Variants in RYR3 observed in about 807,000 individuals in gnomAD.
RYR3 encodes brain ryanodine receptor-calcium release channel.
In RYR3, 207 loss-of-function variants were observed where a neutral mutation model predicts 584.3. The ratio of observed to expected loss-of-function variants is 0.35; its 90% CI spans 0.32 to 0.40. RYR3 has a LOEUF of 0.40. Among genes scored for constraint, RYR3 ranks in the 10% least tolerant of loss-of-function variants. The probability of loss-of-function intolerance (pLI) is 1.00; values close to 1 mark genes in which losing one functional copy is unlikely to be tolerated. For synonymous variants in RYR3, 2,416 were observed against 2,248.5 expected (o/e 1.07, Z -2.11); for missense variants, 5,616 against 6,089.2 (o/e 0.92, Z 2.59).
intron 89 of RYR3, 119 bp downstream of exon 89, chr15:33,839,077 C>T (rs1403448143): frequency 5.5e-6 from 7 of 1,265,172 alleles, no homozygotes; most frequent in East Asian, 2.4e-5. Flanking sequence ...TAGACAGTGG[C>T]TGTGGTGTGA....
At chr15:33,792,403 C>A (rs2075216299) in intron 67 of RYR3, among the ~76,000 whole-genome samples, 2 of 152,162 alleles carry the variant, frequency 1.3e-5, no homozygotes, top group African/African-American at 4.8e-5. Context: ...CATTCTTTCT[C>A]TATCCCTTGC....
At chr15:33,488,023 T>C (rs1567349608) in intron 2 of RYR3, among the ~76,000 whole-genome samples, 1 of 152,212 alleles carries the variant, frequency 6.6e-6, no homozygotes, top group South Asian at 2.1e-4. Context: ...GTATTTGTCA[T>C]TTGTTGAACC....
At chr15:33,732,661 T>C (rs1288876306) in intron 48 of RYR3, among the ~76,000 whole-genome samples, 1 of 152,186 alleles carries the variant, frequency 6.6e-6, no homozygotes, top group Non-Finnish European at 1.5e-5. Context: ...TCAGCCAGTG[T>C]TTTTCCTTCT....
intron 2 of RYR3, among the ~76,000 whole-genome samples, chr15:33,483,909 T>C: frequency 6.6e-6 from 1 of 152,178 alleles, no homozygotes; most frequent in East Asian, 1.9e-4. Flanking sequence ...ATGGATCCTA[T>C]GAACAGGAGA....
At chr15:33,321,291 G>A (rs1968927304) in intron 1 of RYR3, among the ~76,000 whole-genome samples, 1 of 152,130 alleles carries the variant, frequency 6.6e-6, no homozygotes, top group South Asian at 2.1e-4. Flanking sequence ...TCATATCCAA[G>A]GATACAAAGC....
chr15:33,482,716 G>C (rs1456208777), intron 2 of RYR3, among the ~76,000 whole-genome samples: 1 of 152,208 alleles, frequency 6.6e-6, no homozygotes, highest in Non-Finnish European at 1.5e-5. Flanking sequence ...ACTGTGCCCA[G>C]TCAGGTTTCT....
At chr15:33,491,425 C>T (rs2050954215) in intron 2 of RYR3, among the ~76,000 whole-genome samples, 1 of 152,194 alleles carries the variant, frequency 6.6e-6, no homozygotes, top group South Asian at 2.1e-4. Context: ...AGTGGCTAAT[C>T]TGAAGCATTT....
chr15:33,341,494 A>G (rs941644032), intron 1 of RYR3, among the ~76,000 whole-genome samples: 10 of 152,164 alleles, frequency 6.6e-5, no homozygotes, highest in Non-Finnish European at 1.2e-4. Flanking sequence ...GGAAAGTAAC[A>G]TCTTGCATCC....
chr15:33,350,067 G>A (rs1035978573), intron 1 of RYR3, among the ~76,000 whole-genome samples: 2 of 151,962 alleles, frequency 1.3e-5, no homozygotes, highest in African/African-American at 2.4e-5. Flanking sequence ...GTGTGCATGT[G>A]TCTTTATAGC....
At chr15:33,655,412 G>A (rs1417591040) in intron 32 of RYR3, among the ~76,000 whole-genome samples, 1 of 152,102 alleles carries the variant, frequency 6.6e-6, no homozygotes, top group African/African-American at 2.4e-5. Context: ...GCTGATCTTT[G>A]GAAGTTCAAA....
At chr15:33,816,659 G>T (rs2076828183) in intron 74 of RYR3, among the ~76,000 whole-genome samples, 1 of 152,170 alleles carries the variant, frequency 6.6e-6, no homozygotes, top group Non-Finnish European at 1.5e-5. Flanking sequence ...TTTTCAGAAG[G>T]TGCTCTAATA....
intron 32 of RYR3, among the ~76,000 whole-genome samples, chr15:33,654,237 G>A (rs2062687844): frequency 1.3e-5 from 2 of 152,142 alleles, no homozygotes; most frequent in African/African-American, 4.8e-5. Flanking sequence ...TTACGGGCCA[G>A]GCATGGAGGC....
Position 33,768,686 on chromosome 15 carries a change from A to G in RYR3, c.8734A>G (p.Arg2912Gly). 6.2e-7 allele frequency: 1 copy of G among 1,613,982 alleles called. No homozygotes were observed. Among genetic ancestry groups the G allele is most frequent in the African/African-American group, 1.3e-5 (1 of 75,044 alleles). Residue 2912 changes from arginine (R) to glycine (G), a missense_variant, in exon 61 of 104, where the codon AGA (arginine) becomes GGA (glycine). By Grantham distance (125) the Arg-to-Gly change is moderately radical. Around this residue, in one of 9 missense-constraint regions of RYR3, gnomAD observed 1,280 missense variants for 1,426.2 expected, o/e 0.90. Coordinates refer to ENST00000634891, the MANE Select transcript of RYR3 (RefSeq NM_001036.6). ...GLFCKLAALV[R>G]HRISLFGSDS... ...GTTCTGCAAACTTGCCGCTCTCGTT[A>G]GACACAGAATTTCCCTCTTTGGTAA...
intron 92 of RYR3, among the ~76,000 whole-genome samples, chr15:33,844,495 AG>A (rs984753476): frequency 9.2e-5 from 14 of 152,144 alleles, no homozygotes; most frequent in African/African-American, 3.4e-4. Context: ...TGGGTGGGGG[AG>A]CGGGCACACA....
intron 14 of RYR3, 48 bp from the exon 15 acceptor site, chr15:33,584,347 A>G: frequency 9.7e-7 from 1 of 1,030,526 alleles, no homozygotes; most frequent in South Asian, 1.4e-5. Context: ...TCTCACGCCC[A>G]TCATTATATC....
chr15:33,399,908 A>G (rs2042541392), intron 1 of RYR3, among the ~76,000 whole-genome samples: 1 of 152,188 alleles, frequency 6.6e-6, no homozygotes, highest in Non-Finnish European at 1.5e-5. Flanking sequence ...TAGGTAGGAC[A>G]GACATAGAAG....
intron 99 of RYR3, among the ~76,000 whole-genome samples, 172 bp from the exon 100 acceptor site, chr15:33,859,403 C>T (rs1204692214): frequency 2.6e-5 from 4 of 152,108 alleles, no homozygotes; most frequent in Admixed American, 1.3e-4. Context: ...TCAAACTGTC[C>T]AGAGGGTGCA....
chr15:33,427,825 A>T (rs1170202911), intron 1 of RYR3, among the ~76,000 whole-genome samples: 1 of 152,234 alleles, frequency 6.6e-6, no homozygotes, highest in Non-Finnish European at 1.5e-5. Context: ...TCATGGCTGT[A>T]TCTCTTTTCC....
At chr15:33,562,808 A>C in intron 10 of RYR3, 29 bp from the exon 11 acceptor site, 1 of 1,560,572 alleles carries the variant, frequency 6.4e-7, no homozygotes, top group African/African-American at 1.4e-5. Context: ...AGCTATGCCT[A>C]TGTTTGTTTC....
Sources: gnomAD v4.1 joint callset for allele counts (sites outside exome capture counted in the v4.1 genomes callset) on GRCh38, gnomAD v4.1.1 for gene constraint, gnomAD v4.1.1 regional missense constraint, MANE v1.5 for transcripts, NCBI Gene and HGNC (gene_info 2026-07-23, HGNC 2026-07-21) for gene names.